Variants in RAP1GDS1 observed in about 807,000 individuals in gnomAD.
The protein encoded by RAP1GDS1 is Rap1 GTPase-GDP dissociation stimulator 1.
In RAP1GDS1, 35 loss-of-function variants were observed where a neutral mutation model predicts 71.1. The ratio of observed to expected loss-of-function variants is 0.49; its 90% CI spans 0.38 to 0.65. RAP1GDS1 has a LOEUF of 0.65. Among genes scored for constraint, RAP1GDS1 ranks in the 30% least tolerant of loss-of-function variants. The probability of loss-of-function intolerance (pLI) is 0.00; values close to 1 mark genes in which losing one functional copy is unlikely to be tolerated. For synonymous variants in RAP1GDS1, 229 were observed against 243.1 expected (o/e 0.94, Z 0.54); for missense variants, 663 against 706.1 (o/e 0.94, Z 0.69).
rs144058351 is a variant in RAP1GDS1 at position 98,418,637 on chromosome 4, A to T, written c.1040-20A>T. 5,827 of 1,577,800 alleles carry T rather than the reference A, an allele frequency of 3.7e-3. 18 individuals carry two copies. Among genetic ancestry groups the T allele is most frequent in the Non-Finnish European group, 4.6e-3 (5,370 of 1,165,498 alleles). ...AGATATTTTAAAGAGGAAGAAAAAG[A>T]TGTGTGTTTTTTTTTTCAGATGCAA... On this transcript the variant is annotated intron_variant, in intron 9 of 14. Transcript: ENST00000408927.
intron 4 of RAP1GDS1, among the ~76,000 whole-genome samples, chr4:98,358,870 G>T (rs930666190): frequency 1.3e-5 from 2 of 151,724 alleles, no homozygotes; most frequent in East Asian, 3.9e-4. Flanking sequence ...TGGATAAAGG[G>T]TACATGAGAC....
chr4:98,293,611 C>T, intron 2 of RAP1GDS1, 96 bp downstream of exon 2: 1 of 833,314 alleles, frequency 1.2e-6, no homozygotes, highest in Non-Finnish European at 1.9e-6. Flanking sequence ...ACTTTGTATT[C>T]ATATAACTTG....
chr4:98,293,994 T>A (rs1418600019), intron 2 of RAP1GDS1, among the ~76,000 whole-genome samples: 1 of 152,086 alleles, frequency 6.6e-6, no homozygotes, highest in Admixed American at 6.6e-5. Context: ...ATAGATAAAT[T>A]TGGAAGGAAC....
intron 2 of RAP1GDS1, among the ~76,000 whole-genome samples, chr4:98,323,113 A>G (rs1052261361): frequency 2.0e-5 from 3 of 150,656 alleles, no homozygotes; most frequent in Non-Finnish European, 3.0e-5. Flanking sequence ...CCACAGAAAT[A>G]CAAACTACCA....
At chr4:98,356,259 C>T (rs779096598) in intron 4 of RAP1GDS1, among the ~76,000 whole-genome samples, 3 of 152,064 alleles carry the variant, frequency 2.0e-5, no homozygotes, top group Non-Finnish European at 2.9e-5. Context: ...ATTTACACTT[C>T]CTTTTCAAAG....
intron 6 of RAP1GDS1, among the ~76,000 whole-genome samples, chr4:98,402,517 T>C (rs1209444503): frequency 3.3e-5 from 5 of 151,756 alleles, no homozygotes; most frequent in Admixed American, 2.6e-4. Context: ...GCTAAAGCCG[T>C]AGTTTTTTGT....
chr4:98,404,344 T>C (rs1745835269), intron 6 of RAP1GDS1, 133 bp from the exon 7 acceptor site: 3 of 835,068 alleles, frequency 3.6e-6, no homozygotes, highest in Non-Finnish European at 5.1e-6. Context: ...ACATTAAAAA[T>C]GGATTTGATT....
At chr4:98,345,899 A>C (rs1736176393) in intron 3 of RAP1GDS1, among the ~76,000 whole-genome samples, 1 of 152,170 alleles carries the variant, frequency 6.6e-6, no homozygotes, top group Admixed American at 6.5e-5. Flanking sequence ...TGTAACCTGA[A>C]AGATTGGGCT....
chr4:98,286,133 T>A (rs1725962570), intron 1 of RAP1GDS1, among the ~76,000 whole-genome samples: 1 of 151,562 alleles, frequency 6.6e-6, no homozygotes, highest in Non-Finnish European at 1.5e-5. Context: ...GGCGTTGTAG[T>A]CAGCACCTGT....
rs1578343717 is a variant in RAP1GDS1 at position 98,297,164 on chromosome 4, T to C, written c.112+3649T>C. ...GTCTTTAAAGAAAAAAAGCATTTAA[T>C]GTCTAGTTCCACATCTCTAATCTTC... On this transcript the variant is annotated intron_variant, in intron 2 of 14. Transcript: ENST00000408927. 3.3e-5 allele frequency among the ~76,000 whole-genome samples: 5 copies of C among 152,310 alleles called. No homozygotes were observed. The South Asian group carries it at 1.0e-3, about 32-fold the overall frequency.
chr4:98,329,952 T>A (rs538004245), intron 2 of RAP1GDS1, among the ~76,000 whole-genome samples: 15 of 152,232 alleles, frequency 9.9e-5, no homozygotes, highest in African/African-American at 3.6e-4. Flanking sequence ...TATTTATTGA[T>A]CATTCTTGGG....
chr4:98,330,719 C>T (rs1733857837), intron 2 of RAP1GDS1, among the ~76,000 whole-genome samples: 1 of 150,618 alleles, frequency 6.6e-6, no homozygotes, highest in African/African-American at 2.5e-5. Context: ...GGCAGAGGGG[C>T]TCCTCACATC....
Position 98,430,190 on chromosome 4 carries a change from A to G in RAP1GDS1, c.1441-3746A>G, listed in dbSNP as rs564685851. On this transcript the variant is annotated intron_variant, in intron 12 of 14. Coordinates refer to ENST00000408927, the MANE Select transcript of RAP1GDS1 (RefSeq NM_001100427.2). ...ACTGTGGCATGGTACCCTTTTAGGA[A>G]AAGGTGGATGGGGGTGTGTGTAGCA... Among the ~76,000 whole-genome samples, 71 of 152,250 alleles carry G rather than the reference A, an allele frequency of 4.7e-4. No individual in the cohort carries two copies. The Middle Eastern group carries it at 0.01, about 22-fold the overall frequency.
At chr4:98,308,443 C>T (rs1729715942) in intron 2 of RAP1GDS1, among the ~76,000 whole-genome samples, 1 of 149,734 alleles carries the variant, frequency 6.7e-6, no homozygotes, top group Admixed American at 6.7e-5. Flanking sequence ...GCACTCTAGC[C>T]TACGTGACAG....
Position 98,378,996 on chromosome 4 carries a change from ATTT to A in RAP1GDS1, c.362-20_362-18del. On this transcript the variant is annotated intron_variant, in intron 4 of 14. Coordinates refer to ENST00000408927, the MANE Select transcript of RAP1GDS1 (RefSeq NM_001100427.2). ...ACATTTCTTTTTTCTTTTATTTTTA[ATTT>A]AACTCTTTGTTTTACAGATGAGGGC... 6.5e-7 allele frequency: 1 copy of A among 1,546,768 alleles called. No individual in the cohort carries two copies. Among genetic ancestry groups the A allele is most frequent in the Non-Finnish European group, 8.7e-7 (1 of 1,145,878 alleles).
At chr4:98,375,015 T>C (rs1740958019) in intron 4 of RAP1GDS1, among the ~76,000 whole-genome samples, 2 of 152,138 alleles carry the variant, frequency 1.3e-5, no homozygotes, top group African/African-American at 4.8e-5. Flanking sequence ...TGGAGTGGTG[T>C]GTTAGTTTCC....
At chr4:98,425,375 A>T (rs1347562980) in intron 12 of RAP1GDS1, among the ~76,000 whole-genome samples, 1 of 152,220 alleles carries the variant, frequency 6.6e-6, no homozygotes, top group Non-Finnish European at 1.5e-5. Context: ...TGAATGGAAT[A>T]GTACCTCACA....
intron 2 of RAP1GDS1, among the ~76,000 whole-genome samples, chr4:98,332,047 A>G (rs745449061): frequency 6.6e-6 from 1 of 152,192 alleles, no homozygotes; most frequent in Non-Finnish European, 1.5e-5. Context: ...GATAAAATGC[A>G]AAGTCTTTGT....
At position 98,419,997 on chromosome 4, in the gene RAP1GDS1, CAT is replaced by C. The variant is rs752926399; in HGVS notation, c.1175-20_1175-19del. ...ACAGGAATGCTAATACCATTTTAAC[CAT>C]AGTCTCTCTTTTTCTCCAGTTATAA... On this transcript the variant is annotated intron_variant, in intron 10 of 14. Transcript: ENST00000408927. 242 of 1,571,768 alleles carry C rather than the reference CAT, an allele frequency of 1.5e-4. 3 individuals are homozygous for C. In the African/African-American group the frequency reaches 3.1e-3, roughly 20 times the overall value.
Sources: gnomAD v4.1 joint callset for allele counts (sites outside exome capture counted in the v4.1 genomes callset) on GRCh38, gnomAD v4.1.1 for gene constraint, MANE v1.5 for transcripts, NCBI Gene and HGNC (gene_info 2026-07-23, HGNC 2026-07-21) for gene names.